Variants in MED12L observed in about 807,000 individuals in gnomAD.
The protein encoded by MED12L is mediator of RNA polymerase II transcription subunit 12-like protein.
In MED12L, 60 loss-of-function variants were observed where a neutral mutation model predicts 281.3. The ratio of observed to expected loss-of-function variants is 0.21; its 90% CI spans 0.17 to 0.26. MED12L has a LOEUF of 0.26. MED12L is among the 10% of genes least tolerant of loss of function. MED12L has a pLI of 1.00. For missense variants in MED12L, 2,146 were observed against 2,680.9 expected, an observed-to-expected ratio of 0.80 and a Z score of 4.41; for synonymous variants, 974 against 987.2, an observed-to-expected ratio of 0.99 and a Z score of 0.25.
rs182898357 is a variant in MED12L, at chr3:151,350,453, A to G, written c.2398+247A>G. Among the ~76,000 whole-genome samples the G allele has an allele frequency of 4.0e-3, 614 of 152,124 alleles. 5 individuals carry two copies. Among genetic ancestry groups the G allele is most frequent in the African/African-American group, 0.014 (578 of 41,530 alleles). ...TTATTTTATTAAAATATTGTATTCC[A>G]TAGGTAGGTGTAGGTAATTTATTCT... On this transcript the variant is annotated intron_variant, in intron 17 of 44. Transcript: ENST00000687756.
chr3:151,365,651 C>T (rs1457739065), intron 22 of MED12L, among the ~76,000 whole-genome samples, 199 bp from the exon 23 acceptor site: 3 of 152,160 alleles, frequency 2.0e-5, no homozygotes, highest in African/African-American at 4.8e-5. Flanking sequence ...TGCTTAACAG[C>T]ATTGTCAAAA....
rs548127490 is a variant in MED12L at position 151,288,007 on chromosome 3, G to T, written c.2251-62052G>T. ...ACTCTATCCCTTCCCAAATTTGGTT[G>T]GTACCTGCTGATATCTAGAGATCTG... On this transcript the variant is annotated intron_variant, in intron 16 of 44. Transcript: ENST00000687756. Among the ~76,000 whole-genome samples the T allele has an allele frequency of 3.9e-5, 6 of 152,272 alleles. No homozygotes were observed. The South Asian group carries it at 1.2e-3, about 32-fold the overall frequency.
chr3:151,238,785 G>A (rs1028044848), intron 16 of MED12L, among the ~76,000 whole-genome samples: 12 of 152,070 alleles, frequency 7.9e-5, no homozygotes, highest in African/African-American at 2.2e-4. Context: ...TTAATATTTT[G>A]TGTGCCAAAA....
chr3:151,166,544 G>A lies in MED12L; in HGVS notation c.1494+562G>A, dbSNP rs1576871766. Among the ~76,000 whole-genome samples the A allele has an allele frequency of 2.0e-5, 3 of 152,220 alleles. 1 individual carries two copies. In the East Asian group the frequency reaches 5.8e-4, roughly 29 times the overall value. Reference sequence around the variant, plus strand: ...GAGGGGTATTTATTTTAAGGAATTGGCTCACATGATTATGGGGCTGGCAAA... The same window carrying A: ...GAGGGGTATTTATTTTAAGGAATTGACTCACATGATTATGGGGCTGGCAAA... On this transcript the variant is annotated intron_variant, in intron 11 of 44. Coordinates refer to ENST00000687756, the MANE Select transcript of MED12L (RefSeq NM_001393769.1).
At chr3:151,293,447 A>G (rs1262147830) in intron 16 of MED12L, among the ~76,000 whole-genome samples, 1 of 152,146 alleles carries the variant, frequency 6.6e-6, no homozygotes, top group Admixed American at 6.5e-5. Context: ...CAGGAGCATC[A>G]CAGGAGTGGG....
At chr3:151,212,194 T>G (rs1727282373) in intron 16 of MED12L, 1 of 152,216 alleles carries the variant, frequency 6.6e-6, no homozygotes, top group Non-Finnish European at 1.5e-5. Context: ...TAAAAATGTT[T>G]TGAAAGAACA....
chr3:151,338,578 C>T (rs1560046688), intron 16 of MED12L: 1 of 1,613,906 alleles, frequency 6.2e-7, no homozygotes. Context: ...CTCAGTGGTC[C>T]TGTTCCCAGT....
intron 5 of MED12L, among the ~76,000 whole-genome samples, chr3:151,134,604 A>C (rs1715871748): frequency 6.6e-6 from 1 of 152,186 alleles, no homozygotes; most frequent in Non-Finnish European, 1.5e-5. Context: ...ACAGGAAGAA[A>C]ATACAGAGGA....
intron 3 of MED12L, among the ~76,000 whole-genome samples, chr3:151,119,164 C>T (rs1713353755): frequency 6.6e-6 from 1 of 152,098 alleles, no homozygotes; most frequent in African/African-American, 2.4e-5. Context: ...TAGTCTGTTG[C>T]CAATTTCTCA....
chr3:151,133,117 T>C (rs1411465347), intron 5 of MED12L, among the ~76,000 whole-genome samples: 1 of 152,248 alleles, frequency 6.6e-6, no homozygotes, highest in South Asian at 2.1e-4. Flanking sequence ...ACTTCCGTTG[T>C]CTTGATGATT....
chr3:151,394,532 T>C, intron 38 of MED12L, 124 bp from the exon 39 acceptor site: 1 of 1,442,332 alleles, frequency 6.9e-7, no homozygotes, highest in African/African-American at 1.4e-5. Flanking sequence ...GGTGGGACAG[T>C]GCATTTTTTT....
chr3:151,178,482 G>A (rs1302148351), intron 11 of MED12L, among the ~76,000 whole-genome samples: 1 of 152,292 alleles, frequency 6.6e-6, no homozygotes, highest in East Asian at 1.9e-4. Flanking sequence ...CAGAGGTGCT[G>A]GGGGCTCACA....
intron 2 of MED12L, among the ~76,000 whole-genome samples, chr3:151,091,472 C>T (rs776163771): frequency 1.3e-5 from 2 of 152,166 alleles, no homozygotes; most frequent in Non-Finnish European, 2.9e-5. Context: ...GGCCCCACTT[C>T]GAGAACCCTC....
intron 43 of MED12L, among the ~76,000 whole-genome samples, chr3:151,430,049 T>C (rs140012426): frequency 8.5e-5 from 13 of 152,336 alleles, no homozygotes; most frequent in African/African-American, 3.1e-4. Flanking sequence ...GAGTTCTTCA[T>C]TGGGGCTCTT....
At chr3:151,225,991 G>T (rs1730418077) in intron 16 of MED12L, among the ~76,000 whole-genome samples, 1 of 152,050 alleles carries the variant, frequency 6.6e-6, no homozygotes, top group Non-Finnish European at 1.5e-5. Context: ...AAGGCCTTTT[G>T]TTCATTTGCT....
intron 27 of MED12L, 49 bp from the exon 28 acceptor site, chr3:151,375,977 A>ATATATATATATATATATT: frequency 9.7e-7 from 1 of 1,028,664 alleles, no homozygotes; most frequent in Non-Finnish European, 1.4e-6. Flanking sequence ...TTGCATATAT[A>ATATATATATATATATATT]TATACCGAAA....
chr3:151,127,710 T>G, intron 4 of MED12L, 115 bp from the exon 5 acceptor site: 1 of 712,206 alleles, frequency 1.4e-6, no homozygotes, highest in East Asian at 2.8e-5. Flanking sequence ...ATATACTTTC[T>G]TAGGGCCAGC....
At chr3:151,398,140 C>T (rs1715221730) in intron 39 of MED12L, among the ~76,000 whole-genome samples, 1 of 152,212 alleles carries the variant, frequency 6.6e-6, no homozygotes, top group East Asian at 1.9e-4. Flanking sequence ...CCTAAAGTTT[C>T]TTAGTAGCCT....
At chr3:151,257,112 T>C (rs1393870971) in intron 16 of MED12L, among the ~76,000 whole-genome samples, 1 of 152,206 alleles carries the variant, frequency 6.6e-6, no homozygotes, top group Non-Finnish European at 1.5e-5. Context: ...ATGAGAGATT[T>C]TAGACATTTT....
Sources: gnomAD v4.1 joint callset for allele counts (sites outside exome capture counted in the v4.1 genomes callset) on GRCh38, gnomAD v4.1.1 for gene constraint, MANE v1.5 for transcripts, NCBI Gene and HGNC (gene_info 2026-07-23, HGNC 2026-07-21) for gene names.